The following TSLP variants were observed in gnomAD, a reference collection of about 807,000 sequenced individuals.
TSLP encodes thymic stromal lymphopoietin.
In TSLP, 12 loss-of-function variants were observed where a neutral mutation model predicts 12.4. The observed-to-expected ratio is 0.97, with a 90% CI of 0.62 to 1.57. The LOEUF (loss-of-function observed/expected upper bound fraction) is 1.57. Ranked by LOEUF, TSLP falls within the 40% of genes most tolerant of loss-of-function variation. TSLP has a pLI of 0.00. For synonymous variants in TSLP, 97 were observed against 69.5 expected (o/e 1.40, Z -1.97); for missense variants, 222 against 189.6 (o/e 1.17, Z -1.00).
In TSLP at chr5:111,077,521, G is replaced by A. The variant is rs1044625738; in HGVS notation, c.*1447G>A. The A allele has an allele frequency of 1.3e-5, 2 of 152,296 alleles. No individual in the cohort carries two copies. Among genetic ancestry groups the A allele is most frequent in the African/African-American group, 4.8e-5 (2 of 41,436 alleles). 9.4% of individuals were successfully genotyped at this position (152,296 alleles called of 1,614,324 possible). On this transcript the variant is annotated 3_prime_UTR_variant, in exon 4 of 4. Transcript: ENST00000344895. ...GCCTGCTTTCTAAAAATCTTCCTCT[G>A]AAGACCTGACCCAAGCTCTTAAATG...
At chr5:111,073,458 TTC>T in intron 2 of TSLP, 51 bp from the exon 3 acceptor site, 2 of 1,610,600 alleles carry the variant, frequency 1.2e-6, no homozygotes, top group South Asian at 2.2e-5. Flanking sequence ...CACCAACTCT[TTC>T]TCTCTCTGGT....
intron 3 of TSLP, 110 bp from the exon 4 acceptor site, chr5:111,075,836 G>T: frequency 8.7e-7 from 1 of 1,144,054 alleles, no homozygotes; most frequent in Non-Finnish European, 1.3e-6. Context: ...CAGGTGCTTT[G>T]GAGACACACT....
chr5:111,073,356 GCTCTACTCAACCC>G, intron 2 of TSLP, 142 bp from the exon 3 acceptor site: 1 of 1,490,378 alleles, frequency 6.7e-7, no homozygotes, highest in African/African-American at 1.4e-5. Context: ...GTTCTTCCTT[GCTCTACTCAACCC>G]TGACCTCTTC....
chr5:111,071,780 A>C lies in TSLP; in HGVS notation c.-111A>C. The C allele has an allele frequency of 7.2e-7, 1 of 1,391,030 alleles. No individual in the cohort carries two copies. The highest frequency in any genetic ancestry group is 9.9e-7 in the Non-Finnish European group (1 of 1,014,560). The allele number at this position is 1,391,030 out of a possible 1,614,324, so 86.2% of individuals were successfully genotyped here. A position where few individuals can be genotyped will look rare whatever the true frequency, so the allele number is the denominator to read the frequency against. ...GGGCTTCCTGTGGACTGGCAATGAGAGGCAAAACCTGGTGCTTGAGCACTG... is the reference window on the plus strand; with the variant it reads ...GGGCTTCCTGTGGACTGGCAATGAGCGGCAAAACCTGGTGCTTGAGCACTG... On this transcript the variant is annotated 5_prime_UTR_variant, in exon 1 of 4. Transcript: ENST00000344895.
At chr5:111,071,561 A>G (rs940272167), upstream of TSLP, 41 of 1,520,190 alleles carry the variant, frequency 2.7e-5, no homozygotes, top group East Asian at 9.5e-4. Flanking sequence ...AAAATTCCAT[A>G]GATTTAGCTA....
At position 111,075,152 on chromosome 5, in the gene TSLP, G is replaced by C. The variant is rs188424577; in HGVS notation, c.352-794G>C. On this transcript the variant is annotated intron_variant, in intron 3 of 3. Transcript: ENST00000344895. ...CAGCATGTGAGAAAGGGAGAGTTTG[G>C]AGAAATTTATTTCAGTCCCTCCCAA... 3.2e-3 allele frequency among the ~76,000 whole-genome samples: 485 copies of C among 152,246 alleles called. 7 individuals are homozygous for C. Among genetic ancestry groups the C allele is most frequent in the African/African-American group, 0.011 (469 of 41,544 alleles).
upstream of TSLP, chr5:111,071,425 C>A (rs532709499): frequency 9.3e-6 from 14 of 1,510,040 alleles, no homozygotes; most frequent in African/African-American, 1.8e-4. Context: ...GGATTGGTCA[C>A]GGAAATGCCC....
chr5:111,074,840 G>T lies in TSLP; in HGVS notation c.352-1106G>T, dbSNP rs1398352513. Reference sequence around the variant, plus strand: ...TCACCATATTGGCCAGGCTGGTCTCGAATTCCTGACCTTGTGATCTGCCTG... The same window carrying T: ...TCACCATATTGGCCAGGCTGGTCTCTAATTCCTGACCTTGTGATCTGCCTG... On this transcript the variant is annotated intron_variant, in intron 3 of 3. Transcript: ENST00000344895. Among the ~76,000 whole-genome samples the T allele has an allele frequency of 2.0e-5, 3 of 151,842 alleles. No homozygotes were observed. In the East Asian group the frequency reaches 5.8e-4, roughly 29 times the overall value.
At chr5:111,074,399 C>A (rs1002487650) in intron 3 of TSLP, among the ~76,000 whole-genome samples, 7 of 152,112 alleles carry the variant, frequency 4.6e-5, no homozygotes, top group African/African-American at 1.7e-4. Context: ...TAGTCTTATA[C>A]AGGTTGTTTC....
Position 111,077,737 on chromosome 5 carries a change from A to T in TSLP, c.*1663A>T, listed in dbSNP as rs1752552889. On this transcript the variant is annotated 3_prime_UTR_variant, in exon 4 of 4. Transcript: ENST00000344895. ...CATCCCATTAAGTGCAGTTTCTTTG[A>T]ATCTTCTGCTTTATCTTTAAAAATT... The T allele has an allele frequency of 6.6e-6, 1 of 152,616 alleles. No homozygotes were observed. Among genetic ancestry groups the T allele is most frequent in the South Asian group, 2.1e-4 (1 of 4,830 alleles). 9.5% of individuals were successfully genotyped at this position (152,616 alleles called of 1,614,324 possible).
At chr5:111,070,178 G>A (rs1319792775), upstream of TSLP, 1 of 152,330 alleles carries the variant, frequency 6.6e-6, no homozygotes, top group Non-Finnish European at 1.5e-5. Flanking sequence ...GTGAATCAGA[G>A]GTTTTCTGAC....
chr5:111,072,976 C>G (rs201965250), intron 2 of TSLP, 44 bp downstream of exon 2: 184 of 1,608,394 alleles, frequency 1.1e-4, no homozygotes, highest in Middle Eastern at 5.0e-4. Flanking sequence ...CAGGGAGACG[C>G]CAGGCATTTT....
intron 2 of TSLP, 117 bp from the exon 3 acceptor site, chr5:111,073,394 C>G (rs1392253877): frequency 6.4e-7 from 1 of 1,555,326 alleles, no homozygotes; most frequent in East Asian, 2.2e-5. Context: ...TGACTCTCGA[C>G]TTGTGTTCCC....
At chr5:111,072,326 G>T (rs1333841574) in intron 1 of TSLP, among the ~76,000 whole-genome samples, 1 of 152,160 alleles carries the variant, frequency 6.6e-6, no homozygotes, top group Non-Finnish European at 1.5e-5. Flanking sequence ...TCTATCCTTT[G>T]CTAAAGTGTT....
At position 111,076,321 on chromosome 5, in the gene TSLP, G is replaced by C; in HGVS notation, c.*247G>C. ...ACTGGCTTCATGGCAGTAATTCTCG[G>C]CTGTAGTTGCATAAGCATTGCTCAA... On this transcript the variant is annotated 3_prime_UTR_variant, in exon 4 of 4. Coordinates refer to ENST00000344895, the MANE Select transcript of TSLP (RefSeq NM_033035.5). The C allele has an allele frequency of 2.2e-6, 1 of 449,878 alleles. No homozygotes were observed. 27.9% of individuals were successfully genotyped at this position (449,878 alleles called of 1,614,324 possible). A position where few individuals can be genotyped will look rare whatever the true frequency, so the allele number is the denominator to read the frequency against.
chr5:111,074,958 C>T (rs900416447), intron 3 of TSLP, among the ~76,000 whole-genome samples: 4 of 152,230 alleles, frequency 2.6e-5, no homozygotes, highest in East Asian at 3.9e-4. Flanking sequence ...GAAGCCATAG[C>T]GCTGATCTGG....
In TSLP at chr5:111,074,090, T is replaced by G. The variant is rs545121917; in HGVS notation, c.351+445T>G. Among the ~76,000 whole-genome samples the G allele has an allele frequency of 7.2e-5, 11 of 152,350 alleles. No individual in the cohort carries two copies. The South Asian group carries it at 1.2e-3, about 17-fold the overall frequency. On this transcript the variant is annotated intron_variant, in intron 3 of 3. Transcript: ENST00000344895. ...TTGTTCTTATCACTTAATTATTGTG[T>G]GCTTATTTGCTAAATGTATAATTAC...
intron 2 of TSLP, chr5:111,073,185 T>C (rs1178287962): frequency 2.0e-6 from 2 of 980,224 alleles, no homozygotes; most frequent in East Asian, 2.7e-5. Flanking sequence ...GGGAACGTTG[T>C]TAGGGGCACC....
chr5:111,075,242 A>G (rs541325657), intron 3 of TSLP, among the ~76,000 whole-genome samples: 70 of 152,180 alleles, frequency 4.6e-4, no homozygotes, highest in Non-Finnish European at 8.2e-4. Context: ...TTTGTGCTTA[A>G]TAACCCTGTG....
Sources: gnomAD v4.1 joint callset for allele counts (sites outside exome capture counted in the v4.1 genomes callset) on GRCh38, gnomAD v4.1.1 for gene constraint, MANE v1.5 for transcripts, NCBI Gene and HGNC (gene_info 2026-07-23, HGNC 2026-07-21) for gene names.